The following SRD5A2 variants were observed in gnomAD, a reference collection of about 807,000 sequenced individuals.
The protein encoded by SRD5A2 is steroid 5 alpha-reductase 2.
In SRD5A2, 30 loss-of-function variants were observed where a neutral mutation model predicts 27.4. That is an observed-to-expected ratio of 1.10 (90% confidence interval 0.82 to 1.49). SRD5A2 has a LOEUF of 1.49. SRD5A2 is among the 40% of genes most tolerant of loss of function. The pLI is 0.00. For missense variants in SRD5A2, 348 were observed against 323.4 expected, an observed-to-expected ratio of 1.08 and a Z score of -0.58; for synonymous variants, 141 against 133.6, an observed-to-expected ratio of 1.06 and a Z score of -0.38.
At chr2:31,620,436 C>T in the SRD5A2 span, among the ~76,000 whole-genome samples, 1 of 152,026 alleles carries the variant, frequency 6.6e-6, no homozygotes, top group African/African-American at 2.4e-5. Context: ...GTAGAAAACC[C>T]CATCATCTCA....
chr2:31,650,242 C>T, the SRD5A2 span, among the ~76,000 whole-genome samples: 18 of 152,022 alleles, frequency 1.2e-4, no homozygotes, highest in Non-Finnish European at 1.5e-4. Context: ...CATTCTCACG[C>T]GTGAGATGGT....
chr2:31,644,764 T>C, the SRD5A2 span, among the ~76,000 whole-genome samples: 1 of 152,236 alleles, frequency 6.6e-6, no homozygotes, highest in African/African-American at 2.4e-5. Flanking sequence ...TCATAATCCA[T>C]AAATGTTAAA....
the SRD5A2 span, among the ~76,000 whole-genome samples, chr2:31,636,995 T>C: frequency 6.6e-6 from 1 of 152,108 alleles, no homozygotes; most frequent in Non-Finnish European, 1.5e-5. Flanking sequence ...AGAAATGAGT[T>C]TGCAAGTATT....
chr2:31,611,135 T>TA, the SRD5A2 span, among the ~76,000 whole-genome samples: 1 of 152,024 alleles, frequency 6.6e-6, no homozygotes, highest in Non-Finnish European at 1.5e-5. Context: ...TAAAAAAAGA[T>TA]AAAGTCAGTA....
the SRD5A2 span, among the ~76,000 whole-genome samples, chr2:31,638,292 G>T: frequency 3.3e-5 from 5 of 152,002 alleles, no homozygotes; most frequent in Non-Finnish European, 7.4e-5. Context: ...GGTCAGGAAG[G>T]TCACCAGATA....
At chr2:31,568,756 G>T (rs1238185046) in intron 1 of SRD5A2, among the ~76,000 whole-genome samples, 1 of 152,166 alleles carries the variant, frequency 6.6e-6, no homozygotes, top group Non-Finnish European at 1.5e-5. Context: ...TAGTGCCAAG[G>T]GGTGCTTGCA....
the SRD5A2 span, among the ~76,000 whole-genome samples, chr2:31,660,263 G>A: frequency 6.6e-6 from 1 of 151,958 alleles, no homozygotes; most frequent in Non-Finnish European, 1.5e-5. Context: ...TATCCTGCAG[G>A]CAATGATATA....
chr2:31,655,185 T>C, the SRD5A2 span, among the ~76,000 whole-genome samples: 2 of 152,212 alleles, frequency 1.3e-5, no homozygotes, highest in African/African-American at 2.4e-5. Context: ...CACTGCAACC[T>C]CTGCCTCCTA....
At chr2:31,569,597 G>A (rs918025726) in intron 1 of SRD5A2, among the ~76,000 whole-genome samples, 5 of 151,594 alleles carry the variant, frequency 3.3e-5, no homozygotes, top group Non-Finnish European at 7.4e-5. Flanking sequence ...AAGGTGCAAA[G>A]GCAGTTCATT....
At chr2:31,561,436 C>A (rs1247255505) in intron 1 of SRD5A2, among the ~76,000 whole-genome samples, 2 of 152,148 alleles carry the variant, frequency 1.3e-5, no homozygotes, top group African/African-American at 4.8e-5. Context: ...ATTGTCAACC[C>A]CATGCAAATG....
At position 31,529,414 on chromosome 2, in the gene SRD5A2, C is replaced by T; in HGVS notation, c.591G>A (p.Glu197=). The T allele has an allele frequency of 1.9e-6, 3 of 1,613,920 alleles. No homozygotes were observed. Among genetic ancestry groups the T allele is most frequent in the Non-Finnish European group, 2.5e-6 (3 of 1,179,824 alleles). The part of the protein sequence containing the change: ...TYVSGANFLG[E]IIEWIGYALA... Reference sequence around the variant, plus strand: ...GGGCATAGCCGATCCATTCAATGATCTCACCGAGGAAATTGGCTCCAGAAA... The same window carrying T: ...GGGCATAGCCGATCCATTCAATGATTTCACCGAGGAAATTGGCTCCAGAAA... The change falls in exon 4 of 5, where the codon GAG becomes GAA. Residue 197 remains glutamate, a synonymous_variant. Coordinates refer to ENST00000622030, the MANE Select transcript of SRD5A2 (RefSeq NM_000348.4).
intron 1 of SRD5A2, among the ~76,000 whole-genome samples, chr2:31,559,063 G>A (rs1666560823): frequency 6.6e-6 from 1 of 152,158 alleles, no homozygotes; most frequent in African/African-American, 2.4e-5. Context: ...TTATATGGCT[G>A]GGCCCCACCA....
chr2:31,611,254 T>TAC, the SRD5A2 span, among the ~76,000 whole-genome samples: 109 of 152,304 alleles, frequency 7.2e-4, no homozygotes, highest in Non-Finnish European at 1.3e-3. Context: ...TACTGAGTCC[T>TAC]ACCAAAATTA....
Position 31,545,553 on chromosome 2 carries a change from G to A in SRD5A2, c.282-11787C>T, listed in dbSNP as rs28745300. Reference sequence around the variant, plus strand: ...TCATGATAAAAGCACCAACCAAACTGAGAATGGAAGGCAACTTCCTCAACA... The same window carrying A: ...TCATGATAAAAGCACCAACCAAACTAAGAATGGAAGGCAACTTCCTCAACA... On this transcript the variant is annotated intron_variant, in intron 1 of 4. Coordinates refer to ENST00000622030, the MANE Select transcript of SRD5A2 (RefSeq NM_000348.4). Among the ~76,000 whole-genome samples, 1,468 of 152,188 alleles carry A rather than the reference G, an allele frequency of 9.6e-3. 23 individuals are homozygous for A. The highest frequency in any genetic ancestry group is 0.045 in the South Asian group (215 of 4,826).
At chr2:31,562,346 G>A (rs1387871751) in intron 1 of SRD5A2, among the ~76,000 whole-genome samples, 1 of 151,952 alleles carries the variant, frequency 6.6e-6, no homozygotes, top group Non-Finnish European at 1.5e-5. Context: ...GTAAAATGGG[G>A]TATCCACCAC....
chr2:31,578,290 C>A (rs1376087028), intron 1 of SRD5A2, among the ~76,000 whole-genome samples: 1 of 151,836 alleles, frequency 6.6e-6, no homozygotes, highest in Non-Finnish European at 1.5e-5. Flanking sequence ...TTTTAAAAAG[C>A]AAGAATGAGG....
intron 1 of SRD5A2, among the ~76,000 whole-genome samples, chr2:31,568,478 C>T (rs1210877934): frequency 1.3e-5 from 2 of 152,160 alleles, no homozygotes; most frequent in East Asian, 3.9e-4. Context: ...CTGATGTCTG[C>T]CCAAGTCTGG....
At chr2:31,569,079 C>T (rs904828954) in intron 1 of SRD5A2, among the ~76,000 whole-genome samples, 8 of 152,202 alleles carry the variant, frequency 5.3e-5, no homozygotes, top group East Asian at 3.9e-4. Flanking sequence ...GCTGCAGCTG[C>T]GCCAAGGAGC....
At chr2:31,530,393 A>T (rs1380737702) in intron 3 of SRD5A2, among the ~76,000 whole-genome samples, 1 of 152,170 alleles carries the variant, frequency 6.6e-6, no homozygotes, top group Non-Finnish European at 1.5e-5. Context: ...AGACTGCGTC[A>T]GTGGTTCCCA....
Sources: allele counts gnomAD v4.1 joint callset (sites outside exome capture counted in the v4.1 genomes callset), GRCh38; gene constraint gnomAD v4.1.1; transcripts MANE v1.5; gene names NCBI Gene and HGNC (gene_info 2026-07-23, HGNC 2026-07-21).